Variants in P2RX5 observed in about 807,000 individuals in gnomAD.
The protein encoded by P2RX5 is P2X purinoceptor 5.
P2RX5 carries 46 observed loss-of-function variants against 54.1 expected under a neutral mutation model. The observed-to-expected ratio is 0.85, with a 90% CI of 0.67 to 1.09. The LOEUF (loss-of-function observed/expected upper bound fraction) is 1.09, where lower values mean the gene tolerates loss of function less well. Ranked by LOEUF, P2RX5 falls within the 50% of genes least tolerant of loss-of-function variation. P2RX5 has a pLI of 0.00. For missense variants in P2RX5, 566 were observed against 549.8 expected (o/e 1.03, Z -0.29); for synonymous variants, 226 against 226.4 (o/e 1.00, Z 0.02).
intron 11 of P2RX5, chr17:3,676,450 G>A: frequency 3.1e-6 from 3 of 975,436 alleles, no homozygotes; most frequent in Non-Finnish European, 3.6e-6. Flanking sequence ...ACTATCCTTT[G>A]CACCTTCTAA....
chr17:3,704,298 GC>G, the P2RX5 span, among the ~76,000 whole-genome samples: 1 of 152,160 alleles, frequency 6.6e-6, no homozygotes, highest in Non-Finnish European at 1.5e-5. Context: ...CGATAAGGGG[GC>G]CAGCTGCAGA....
At chr17:3,719,234 T>TAAAA in the P2RX5 span, among the ~76,000 whole-genome samples, 2 of 34,820 alleles carry the variant, frequency 5.7e-5, no homozygotes, top group African/African-American at 2.4e-4. Context: ...AGATTCTTCC[T>TAAAA]CAAAAAAAAA....
upstream of P2RX5, among the ~76,000 whole-genome samples, chr17:3,699,929 A>G (rs866679765): frequency 0.056 from 3,573 of 63,804 alleles, 70 homozygotes; most frequent in Admixed American, 0.11. Context: ...AAAGAAAGAA[A>G]GAAAGAAAGA....
chr17:3,699,930 GAAA>G (rs1278546294), upstream of P2RX5, among the ~76,000 whole-genome samples: 1,161 of 86,704 alleles, frequency 0.013, 24 homozygotes, highest in Middle Eastern at 0.058. Context: ...AAGAAAGAAA[GAAA>G]GAAAGAAAGA....
At chr17:3,688,425 C>G (rs1302465426) in intron 8 of P2RX5, among the ~76,000 whole-genome samples, 1 of 152,176 alleles carries the variant, frequency 6.6e-6, no homozygotes, top group African/African-American at 2.4e-5. Flanking sequence ...GGCAAGAACA[C>G]GCGCTCTCCT....
chr17:3,723,495 A>G, the P2RX5 span: 1 of 999,954 alleles, frequency 1.0e-6, no homozygotes, highest in Non-Finnish European at 1.6e-6. Flanking sequence ...GGGTGTGAGC[A>G]ATTTCAGCGC....
Position 3,684,690 on chromosome 17 carries a change from A to G in P2RX5, c.982-2712T>C, listed in dbSNP as rs118142671. ...AATAGAAAACAAACAAAAACCTCCT[A>G]CGACACCCAGCACAGCCCTCTGTGC... On this transcript the variant is annotated intron_variant, in intron 9 of 11. Coordinates refer to ENST00000225328, the MANE Select transcript of P2RX5 (RefSeq NM_002561.4). 4.6e-3 allele frequency among the ~76,000 whole-genome samples: 701 copies of G among 152,290 alleles called. 6 individuals are homozygous for G. Among genetic ancestry groups the G allele is most frequent in the Non-Finnish European group, 8.0e-3 (545 of 68,024 alleles).
At chr17:3,679,847 G>A in intron 10 of P2RX5, 63 bp from the exon 11 acceptor site, 1 of 1,426,658 alleles carries the variant, frequency 7.0e-7, no homozygotes. Flanking sequence ...TCCTAGACGG[G>A]CGGAGTGGGC....
the P2RX5 span, chr17:3,716,576 G>A: frequency 1.5e-6 from 1 of 675,846 alleles, no homozygotes; most frequent in Non-Finnish European, 2.7e-6. Flanking sequence ...GAAAAAAGTG[G>A]CCACGAGGCC....
chr17:3,699,384 C>G (rs2050800493), upstream of P2RX5, among the ~76,000 whole-genome samples: 1 of 150,582 alleles, frequency 6.6e-6, no homozygotes, highest in Non-Finnish European at 1.5e-5. Context: ...TGATAGAGAC[C>G]CTGCTTCTTA....
chr17:3,678,828 G>A (rs1017445871), intron 11 of P2RX5, among the ~76,000 whole-genome samples: 5 of 152,340 alleles, frequency 3.3e-5, no homozygotes, highest in Non-Finnish European at 5.9e-5. Context: ...GGAAAACAAG[G>A]CACAGAAAGG....
chr17:3,699,052 GACACACACACAC>G (rs71379596), upstream of P2RX5, among the ~76,000 whole-genome samples: 1 of 40,846 alleles, frequency 2.4e-5, no homozygotes, highest in African/African-American at 4.8e-5. Context: ...TATATAGACA[GACACACACACAC>G]ACACACACAC....
At chr17:3,715,446 C>A in the P2RX5 span, among the ~76,000 whole-genome samples, 1 of 152,026 alleles carries the variant, frequency 6.6e-6, no homozygotes, top group Non-Finnish European at 1.5e-5. Context: ...GTCTCTAGAC[C>A]GCTTTCAGGG....
chr17:3,674,975 A>G (rs1231146952), intron 11 of P2RX5, among the ~76,000 whole-genome samples: 1 of 152,226 alleles, frequency 6.6e-6, no homozygotes, highest in Non-Finnish European at 1.5e-5. Context: ...ATCTGGTCCA[A>G]CACCTGACAT....
the P2RX5 span, among the ~76,000 whole-genome samples, chr17:3,710,302 C>A: frequency 1.3e-5 from 2 of 152,082 alleles, no homozygotes; most frequent in South Asian, 4.2e-4. Context: ...TGGCATGCAC[C>A]TGCAGTCCCA....
chr17:3,689,407 TC>T (rs1163853142), intron 7 of P2RX5, 84 bp downstream of exon 7: 2 of 1,519,756 alleles, frequency 1.3e-6, no homozygotes, highest in Non-Finnish European at 1.8e-6. Flanking sequence ...GCCCCACGAG[TC>T]CCCGTCCACA....
At chr17:3,698,980 A>G (rs1456334552), upstream of P2RX5, among the ~76,000 whole-genome samples, 1 of 151,914 alleles carries the variant, frequency 6.6e-6, no homozygotes, top group Non-Finnish European at 1.5e-5. Flanking sequence ...CTGAAGCAGC[A>G]GAACCGCTTG....
chr17:3,723,638 C>A, the P2RX5 span: 2 of 1,503,042 alleles, frequency 1.3e-6, no homozygotes, highest in East Asian at 4.9e-5. Context: ...TCTCGTTACC[C>A]GCTTCAGGCC....
chr17:3,711,367 A>ATTTTTTTTTTTT, the P2RX5 span, among the ~76,000 whole-genome samples: 1 of 88,152 alleles, frequency 1.1e-5, no homozygotes, highest in Non-Finnish European at 2.1e-5. Context: ...CCCAGCACTC[A>ATTTTTTTTTTTT]TTCTTTTTTT....
Sources: gnomAD v4.1 joint callset for allele counts (sites outside exome capture counted in the v4.1 genomes callset) on GRCh38, gnomAD v4.1.1 for gene constraint, MANE v1.5 for transcripts, NCBI Gene and HGNC (gene_info 2026-07-23, HGNC 2026-07-21) for gene names.